The following RASA1 variants were observed in gnomAD, a reference collection of about 807,000 sequenced individuals.
RASA1 encodes the protein RAS p21 protein activator 1.
In RASA1, 25 loss-of-function variants were observed where a neutral mutation model predicts 132.2. The observed-to-expected ratio is 0.19, with a 90% CI of 0.14 to 0.26. RASA1 has a LOEUF of 0.26. Among genes scored for constraint, RASA1 ranks in the 10% least tolerant of loss-of-function variants. The pLI is 1.00. For synonymous variants in RASA1, 477 were observed against 449.9 expected, an observed-to-expected ratio of 1.06 and a Z score of -0.76; for missense variants, 964 against 1,299.2, an observed-to-expected ratio of 0.74 and a Z score of 3.97.
In RASA1 at chr5:87,331,335, G is replaced by GT. The variant is rs1200277056; in HGVS notation, c.540-8dup. On this transcript the variant is annotated splice_polypyrimidine_tract_variant and intron_variant, in intron 1 of 24. Coordinates refer to ENST00000274376, the MANE Select transcript of RASA1 (RefSeq NM_002890.3). ...CTATTTATATTGTAATATCTTCTCT[G>GT]TTTTTCCCCTAGGTGGTATCACGGA... is the stretch of plus-strand genomic sequence containing the variant. 2 of 1,589,358 alleles carry GT rather than the reference G, an allele frequency of 1.3e-6. No individual in the cohort carries two copies. Among genetic ancestry groups the GT allele is most frequent in the Non-Finnish European group, 1.7e-6 (2 of 1,157,872 alleles).
intron 6 of RASA1, among the ~76,000 whole-genome samples, chr5:87,341,814 C>T (rs1758488964): frequency 6.6e-6 from 1 of 152,104 alleles, no homozygotes; most frequent in Non-Finnish European, 1.5e-5. Context: ...CTCTTACTCA[C>T]ATTTTAATAG....
intron 1 of RASA1, among the ~76,000 whole-genome samples, chr5:87,293,749 T>C (rs568519360): frequency 2.6e-5 from 4 of 152,310 alleles, no homozygotes; most frequent in African/African-American, 9.6e-5. Context: ...ATTTTTTTAA[T>C]AGATGTAGGT....
Position 87,369,816 on chromosome 5 carries a change from A to G in RASA1, c.1614A>G (p.Pro538=). The G allele has an allele frequency of 6.2e-7, 1 of 1,610,498 alleles. No homozygotes were observed. The highest frequency in any genetic ancestry group is 8.5e-7 in the Non-Finnish European group (1 of 1,177,686). ...AATTTTTGTTTTTATTTTAAAGGCC[A>G]AACTGTTTTCAGATAGTAGTTCAGC... ...YVVHDSLFGR[P]NCFQIVVQHF... Residue 538 remains proline, a synonymous_variant, in exon 12 of 25, where the codon CCA becomes CCG. Coordinates refer to ENST00000274376, the MANE Select transcript of RASA1 (RefSeq NM_002890.3).
At chr5:87,299,649 G>T (rs926818810) in intron 1 of RASA1, 1 of 61,796 alleles carries the variant, frequency 1.6e-5, no homozygotes, top group Non-Finnish European at 3.6e-5. Flanking sequence ...TTAACCGTTT[G>T]TGTGTGTGTG....
chr5:87,279,330 A>G (rs1056669602), intron 1 of RASA1, among the ~76,000 whole-genome samples: 1 of 152,212 alleles, frequency 6.6e-6, no homozygotes, highest in Non-Finnish European at 1.5e-5. Context: ...TGAAGTATCA[A>G]TATTTTGCCC....
intron 1 of RASA1, among the ~76,000 whole-genome samples, chr5:87,285,528 G>A (rs1040655551): frequency 4.2e-4 from 64 of 151,548 alleles, no homozygotes; most frequent in African/African-American, 1.5e-3. Flanking sequence ...GCATTGTAGT[G>A]TAGATATGTG....
At chr5:87,310,483 G>A (rs1249047512) in intron 1 of RASA1, among the ~76,000 whole-genome samples, 1 of 152,046 alleles carries the variant, frequency 6.6e-6, no homozygotes, top group Admixed American at 6.6e-5. Context: ...GAAAACAATG[G>A]CCACCAAAAA....
At chr5:87,293,649 G>A (rs1488853317) in intron 1 of RASA1, among the ~76,000 whole-genome samples, 2 of 152,090 alleles carry the variant, frequency 1.3e-5, no homozygotes, top group African/African-American at 2.4e-5. Context: ...TAGAGAATTG[G>A]TATTCTTTTC....
chr5:87,320,753 A>C (rs1217823814), intron 1 of RASA1, among the ~76,000 whole-genome samples: 1 of 152,262 alleles, frequency 6.6e-6, no homozygotes, highest in African/African-American at 2.4e-5. Context: ...TAATGTATTC[A>C]GTTAAAGGGG....
At chr5:87,272,496 A>G (rs1399953757) in intron 1 of RASA1, among the ~76,000 whole-genome samples, 1 of 151,216 alleles carries the variant, frequency 6.6e-6, no homozygotes, top group African/African-American at 2.4e-5. Flanking sequence ...CAGTTTCCCC[A>G]TCCGTAAAAT....
At chr5:87,352,113 T>G (rs1357291235) in intron 8 of RASA1, among the ~76,000 whole-genome samples, 1 of 151,790 alleles carries the variant, frequency 6.6e-6, no homozygotes, top group Non-Finnish European at 1.5e-5. Context: ...TGCTTGTTCT[T>G]TTAATAATGC....
chr5:87,295,045 A>G (rs1755059532), intron 1 of RASA1, among the ~76,000 whole-genome samples: 1 of 151,922 alleles, frequency 6.6e-6, no homozygotes, highest in Admixed American at 6.6e-5. Context: ...TATATTAAGG[A>G]TCATTGGGTC....
chr5:87,353,943 A>G (rs1449966129), intron 9 of RASA1, among the ~76,000 whole-genome samples: 1 of 152,106 alleles, frequency 6.6e-6, no homozygotes, highest in Non-Finnish European at 1.5e-5. Context: ...AAGGTGCTTC[A>G]AAAGACGGAT....
intron 1 of RASA1, among the ~76,000 whole-genome samples, chr5:87,298,081 A>T (rs1195902126): frequency 6.6e-6 from 1 of 152,010 alleles, no homozygotes. Context: ...ACTTGTTAGG[A>T]TGGAGTGGTG....
intron 23 of RASA1, 189 bp from the exon 24 acceptor site, chr5:87,389,204 G>A (rs919130498): frequency 5.5e-6 from 3 of 546,734 alleles, no homozygotes; most frequent in Admixed American, 3.1e-5. Context: ...GGTGGCAGGT[G>A]CCTGTAATCC....
At chr5:87,284,905 A>C (rs1754476240) in intron 1 of RASA1, among the ~76,000 whole-genome samples, 1 of 152,094 alleles carries the variant, frequency 6.6e-6, no homozygotes, top group South Asian at 2.1e-4. Flanking sequence ...AGTGAATAGG[A>C]AATAACCTAA....
chr5:87,293,654 CT>C (rs1754998870), intron 1 of RASA1, among the ~76,000 whole-genome samples: 1 of 152,054 alleles, frequency 6.6e-6, no homozygotes, highest in Admixed American at 6.6e-5. Flanking sequence ...AATTGGTATT[CT>C]TTTCTTTATA....
rs1224272553 is a variant in RASA1 at position 87,335,563 on chromosome 5, C to A, written c.899+2226C>A. 3.3e-5 allele frequency among the ~76,000 whole-genome samples: 5 copies of A among 150,928 alleles called. No homozygotes were observed. The East Asian group carries it at 9.9e-4, about 30-fold the overall frequency. On this transcript the variant is annotated intron_variant, in intron 4 of 24. Coordinates refer to ENST00000274376, the MANE Select transcript of RASA1 (RefSeq NM_002890.3). ...GCCTCAGCCTCCTGAGTAGCTGGAA[C>A]TATGGGCGTCTGCCACCACACCTGG...
In RASA1 at chr5:87,273,481, T is replaced by G. The variant is rs539444058; in HGVS notation, c.539+4491T>G. ...GAGTTTCTTTTCATGGTTCTCATTT[T>G]TTTTCTTCTGCAGGGTGAGGGGCAG... On this transcript the variant is annotated intron_variant, in intron 1 of 24. Coordinates refer to ENST00000274376, the MANE Select transcript of RASA1 (RefSeq NM_002890.3). Among the ~76,000 whole-genome samples the G allele has an allele frequency of 2.7e-4, 41 of 152,228 alleles. No homozygotes were observed. The South Asian group carries it at 8.5e-3, about 32-fold the overall frequency.
Sources: allele counts gnomAD v4.1 joint callset (sites outside exome capture counted in the v4.1 genomes callset), GRCh38; gene constraint gnomAD v4.1.1; transcripts MANE v1.5; gene names NCBI Gene and HGNC (gene_info 2026-07-23, HGNC 2026-07-21).